SMYD4: variants seen among roughly 807,000 people sequenced by gnomAD.
SMYD4 encodes SET and MYND domain containing 4, also known as protein-lysine N-methyltransferase SMYD4.
Under a neutral mutation model 72.8 loss-of-function variants are expected in SMYD4, and 68 were observed. The ratio of observed to expected loss-of-function variants is 0.93; its 90% CI spans 0.77 to 1.14. SMYD4 has a LOEUF of 1.14. Among genes scored for constraint, SMYD4 ranks in the 50% most tolerant of loss-of-function variants. SMYD4 has a pLI of 0.00. For synonymous variants in SMYD4, 407 were observed against 388.6 expected (o/e 1.05, Z -0.56); for missense variants, 984 against 1,003.7 (o/e 0.98, Z 0.27).
At chr17:1,796,286 A>G (rs988418396) in intron 5 of SMYD4, among the ~76,000 whole-genome samples, 1 of 136,910 alleles carries the variant, frequency 7.3e-6, no homozygotes, top group South Asian at 2.3e-4. Context: ...GGCACATGCC[A>G]CCATGCCTGG....
chr17:1,785,970 T>C (rs1336765052), intron 7 of SMYD4, among the ~76,000 whole-genome samples: 1 of 152,220 alleles, frequency 6.6e-6, no homozygotes, highest in Non-Finnish European at 1.5e-5. Flanking sequence ...CCGATATCTA[T>C]TTTCTCATTT....
At chr17:1,818,274 G>C (rs910770496) in intron 2 of SMYD4, among the ~76,000 whole-genome samples, 8 of 152,126 alleles carry the variant, frequency 5.3e-5, no homozygotes, top group African/African-American at 9.7e-5. Flanking sequence ...TGGCGAAGGA[G>C]AAAGTCCCAG....
At chr17:1,818,299 T>C (rs56909516) in intron 2 of SMYD4, among the ~76,000 whole-genome samples, 2,938 of 152,230 alleles carry the variant, frequency 0.019, 101 homozygotes, top group African/African-American at 0.067. Flanking sequence ...GGCTCCAAAG[T>C]AGAGTGCAGA....
chr17:1,804,238 T>G (rs1243283005), intron 4 of SMYD4: 1 of 208,764 alleles, frequency 4.8e-6, no homozygotes, highest in African/African-American at 2.3e-5. Flanking sequence ...TGGTGCGATC[T>G]CGGCTCACTG....
At chr17:1,787,700 G>A (rs1908781413) in intron 5 of SMYD4, 96 bp from the exon 6 acceptor site, 1 of 1,290,162 alleles carries the variant, frequency 7.8e-7, no homozygotes, top group Non-Finnish European at 1.0e-6. Context: ...AGCTAGGCCT[G>A]CAGCCCGTGT....
chr17:1,806,040 C>T (rs1910016228), intron 3 of SMYD4, among the ~76,000 whole-genome samples: 1 of 150,990 alleles, frequency 6.6e-6, no homozygotes, highest in Non-Finnish European at 1.5e-5. Flanking sequence ...TCTCCTGCCT[C>T]AGTGCCCCCG....
intron 3 of SMYD4, among the ~76,000 whole-genome samples, chr17:1,806,784 T>C (rs1402768720): frequency 1.3e-5 from 2 of 152,194 alleles, no homozygotes; most frequent in Non-Finnish European, 2.9e-5. Context: ...GTATATCTTA[T>C]ATACATATAA....
chr17:1,800,189 C>T lies in SMYD4; in HGVS notation c.1205G>A (p.Gly402Asp). 1 of 1,610,410 alleles carries T rather than the reference C, an allele frequency of 6.2e-7. No homozygotes were observed. The highest frequency in any genetic ancestry group is 2.2e-5 in the East Asian group (1 of 44,822). ...NYGLGESEKN[G>D]NIVETPIPGC... The stretch of plus-strand genomic sequence containing the variant: ...AGGAATTGGGGTCTCAACGATGTTG[C>T]CATTTTTCTCACTCTCCCCTAGGCC... Residue 402 changes from glycine to aspartate, a missense_variant, in exon 5 of 11, where the codon GGC becomes GAC. Gly to Asp is a moderately conservative substitution (Grantham distance 94, BLOSUM62 -1). Coordinates refer to ENST00000305513, the MANE Select transcript of SMYD4 (RefSeq NM_052928.3).
At chr17:1,793,395 T>C (rs1909165856) in intron 5 of SMYD4, among the ~76,000 whole-genome samples, 2 of 146,218 alleles carry the variant, frequency 1.4e-5, no homozygotes, top group South Asian at 2.1e-4. Flanking sequence ...CAGCTGAGTA[T>C]TTTTTTTTTT....
intron 2 of SMYD4, among the ~76,000 whole-genome samples, chr17:1,826,514 A>C (rs28532646): frequency 9.4e-6 from 1 of 105,842 alleles, no homozygotes; most frequent in Admixed American, 8.9e-5. Context: ...AAAAAAAAAA[A>C]AAAAGAAAAG....
At position 1,784,993 on chromosome 17, in the gene SMYD4, A is replaced by T. The variant is rs1237428601; in HGVS notation, c.1885-532T>A. ...TAGTAGAGACGGGGTTTCACCGTGTAAGCCAGGATGGTCTCGATTTTCTGA... is the reference window on the plus strand; with the variant it reads ...TAGTAGAGACGGGGTTTCACCGTGTTAGCCAGGATGGTCTCGATTTTCTGA... On this transcript the variant is annotated intron_variant, in intron 7 of 10. Coordinates refer to ENST00000305513, the MANE Select transcript of SMYD4 (RefSeq NM_052928.3). Among the ~76,000 whole-genome samples the T allele has an allele frequency of 4.8e-5, 7 of 147,102 alleles. No homozygotes were observed. In the East Asian group the frequency reaches 6.5e-4, roughly 14 times the overall value.
At position 1,799,906 on chromosome 17, in the gene SMYD4, CAT is replaced by C. The variant is rs745313652; in HGVS notation, c.1486_1487del (p.Met496ValfsTer6). 29 of 1,613,308 alleles carry C rather than the reference CAT, an allele frequency of 1.8e-5. No homozygotes were observed. The highest frequency in any genetic ancestry group is 2.5e-5 in the Non-Finnish European group (29 of 1,179,552). On this transcript the variant is annotated frameshift_variant, in exon 5 of 11. Transcript: ENST00000305513. LOFTEE classifies it high-confidence loss of function. ...TIWGVAMLRH[M>X]LQLQCNAQAM... ...CCTGAGCGTTACACTGAAGCTGTAA[CAT>C]GTGTCTCAGCATCGCCACTCCCCAA...
chr17:1,800,393 T>A lies in SMYD4; in HGVS notation c.1001A>T (p.Glu334Val). The change falls in exon 5 of 11, where the codon GAA becomes GTA. Residue 334 changes from glutamate to valine, a missense_variant. Glu to Val is a moderately radical substitution (Grantham distance 121). Transcript: ENST00000305513. ...GAGAAGCAGCCCTCCCAGAGGACAT[T>A]CTGTCCTGTGGTAGAGCTCCCAGGC... ...QQAWELYHRT[E>V]CPLGGLLLTL... 6.2e-7 allele frequency: 1 copy of A among 1,614,148 alleles called. No individual in the cohort carries two copies. The highest frequency in any genetic ancestry group is 8.5e-7 in the Non-Finnish European group (1 of 1,180,034).
intron 2 of SMYD4, among the ~76,000 whole-genome samples, chr17:1,827,537 A>C (rs1597403827): frequency 6.6e-6 from 1 of 152,278 alleles, no homozygotes; most frequent in East Asian, 1.9e-4. Flanking sequence ...TTTCCTGAGG[A>C]AAGATCTGGC....
chr17:1,789,087 T>G (rs2151222310), intron 5 of SMYD4, among the ~76,000 whole-genome samples: 1 of 152,166 alleles, frequency 6.6e-6, no homozygotes, highest in East Asian at 1.9e-4. Context: ...GCCAGGAATC[T>G]CAAAAAAACC....
intron 3 of SMYD4, among the ~76,000 whole-genome samples, chr17:1,805,963 G>A (rs895401240): frequency 1.6e-4 from 23 of 143,614 alleles, no homozygotes; most frequent in African/African-American, 4.9e-4. Context: ...TCGCTCTGTC[G>A]CCCAGGCTGG....
intron 2 of SMYD4, among the ~76,000 whole-genome samples, chr17:1,816,552 G>A (rs751925997): frequency 2.6e-5 from 4 of 151,584 alleles, no homozygotes; most frequent in Non-Finnish European, 4.4e-5. Flanking sequence ...CCCAGGAGGC[G>A]GAGGTTGCAG....
chr17:1,784,354 G>C lies in SMYD4; in HGVS notation c.1992C>G (p.Ala664=), dbSNP rs1454290154. 6.2e-7 allele frequency: 1 copy of C among 1,614,050 alleles called. No individual in the cohort carries two copies. Among genetic ancestry groups the C allele is most frequent in the Non-Finnish European group, 8.5e-7 (1 of 1,180,050 alleles). Residue 664 remains alanine, a synonymous_variant, in exon 8 of 11, where the codon GCC becomes GCG. Transcript: ENST00000305513. ...GTTCACCATCTCTGAGAAGCTTCTG[G>C]GCCACTCTGACCTGCTGCTGTAGGT... ...LQDLQQQVRV[A]QKLLRDGELE...
At chr17:1,818,124 G>A (rs1910721355) in intron 2 of SMYD4, among the ~76,000 whole-genome samples, 1 of 148,300 alleles carries the variant, frequency 6.7e-6, no homozygotes, top group Admixed American at 6.7e-5. Flanking sequence ...ATTAATTTTT[G>A]TATATGAAGG....
Sources: gnomAD v4.1 joint callset for allele counts (sites outside exome capture counted in the v4.1 genomes callset) on GRCh38, gnomAD v4.1.1 for gene constraint, MANE v1.5 for transcripts, NCBI Gene and HGNC (gene_info 2026-07-23, HGNC 2026-07-21) for gene names.